XRRA1: variants seen among roughly 807,000 people sequenced by gnomAD.
The protein encoded by XRRA1 is X-ray radiation resistance associated 1.
A neutral mutation model predicts 80.2 loss-of-function variants in XRRA1; 69 were observed. The ratio of observed to expected loss-of-function variants is 0.86; its 90% CI spans 0.71 to 1.05. The LOEUF is 1.05. Among genes scored for constraint, XRRA1 ranks in the 50% least tolerant of loss-of-function variants. The pLI, the probability that XRRA1 is intolerant of heterozygous loss-of-function variation, is 0.00. For synonymous variants in XRRA1, 348 were observed against 389.9 expected (o/e 0.89, Z 1.27); for missense variants, 967 against 976.4 (o/e 0.99, Z 0.13).
intron 12 of XRRA1, among the ~76,000 whole-genome samples, chr11:74,856,558 A>T (rs891094767): frequency 6.6e-5 from 10 of 152,232 alleles, no homozygotes; most frequent in Non-Finnish European, 7.3e-5. Flanking sequence ...AGAATGTGGC[A>T]GATGCAAGTG....
intron 12 of XRRA1, among the ~76,000 whole-genome samples, chr11:74,858,608 C>T (rs1409774737): frequency 6.6e-6 from 1 of 152,080 alleles, no homozygotes; most frequent in Non-Finnish European, 1.5e-5. Flanking sequence ...TAAATCTGTC[C>T]CTTATCCTTT....
Position 74,878,839 on chromosome 11 carries a change from C to T in XRRA1, c.1004-15818G>A, listed in dbSNP as rs1033584097. ...TTGGTCTATATCTCTGTTTTGGTAC[C>T]AGTACCATGCTGTTTTGGTTACTGT... is the stretch of plus-strand genomic sequence containing the variant. On this transcript the variant is annotated intron_variant, in intron 10 of 18. Transcript: ENST00000684022. Among the ~76,000 whole-genome samples, 4 of 151,732 alleles carry T rather than the reference C, an allele frequency of 2.6e-5. No individual in the cohort carries two copies. The South Asian group carries it at 8.3e-4, about 32-fold the overall frequency.
intron 6 of XRRA1, 114 bp from the exon 7 acceptor site, chr11:74,927,602 TA>T: frequency 1.7e-6 from 1 of 603,908 alleles, no homozygotes; most frequent in Admixed American, 3.1e-5. Flanking sequence ...CTGTATAAGG[TA>T]CTTTACATAC....
At chr11:74,875,053 T>G (rs1293617116) in intron 10 of XRRA1, among the ~76,000 whole-genome samples, 1 of 152,242 alleles carries the variant, frequency 6.6e-6, no homozygotes, top group Non-Finnish European at 1.5e-5. Flanking sequence ...TATGCTTTCT[T>G]AGTTCTTTAT....
chr11:74,850,902 A>G (rs2039657933), intron 14 of XRRA1, 186 bp downstream of exon 14: 1 of 378,432 alleles, frequency 2.6e-6, no homozygotes, highest in South Asian at 3.9e-5. Context: ...AGTTTAAAAT[A>G]TATTTTCATA....
chr11:74,880,400 T>G (rs1345322911), intron 10 of XRRA1, among the ~76,000 whole-genome samples: 5 of 151,888 alleles, frequency 3.3e-5, no homozygotes, highest in Non-Finnish European at 7.4e-5. Flanking sequence ...TGTTGATCCT[T>G]TCAAAAAACC....
At chr11:74,869,776 T>C (rs1045260296) in intron 10 of XRRA1, among the ~76,000 whole-genome samples, 1 of 152,130 alleles carries the variant, frequency 6.6e-6, no homozygotes, top group Non-Finnish European at 1.5e-5. Flanking sequence ...AGATACTGCC[T>C]CCTCATCAGG....
chr11:74,939,843 TAGAG>T (rs34445753), intron 3 of XRRA1, among the ~76,000 whole-genome samples: 132 of 144,582 alleles, frequency 9.1e-4, no homozygotes, highest in African/African-American at 2.2e-3. Flanking sequence ...GAGAGTGACA[TAGAG>T]AGAGAGAGAG....
At chr11:74,937,518 T>C (rs1472675826) in intron 3 of XRRA1, among the ~76,000 whole-genome samples, 2 of 151,822 alleles carry the variant, frequency 1.3e-5, no homozygotes, top group African/African-American at 2.4e-5. Context: ...CTCAACTCAA[T>C]AGGTTCCATC....
intron 8 of XRRA1, chr11:74,918,773 C>A (rs1304486280): frequency 6.6e-6 from 1 of 152,246 alleles, no homozygotes; most frequent in African/African-American, 2.4e-5. Flanking sequence ...TCATGAGAGA[C>A]TGGAAGGCCA....
rs761489735 is a variant in XRRA1 at position 74,848,180 on chromosome 11, G to A, written c.1663C>T (p.Arg555Cys). 80 of 1,613,596 alleles carry A rather than the reference G, an allele frequency of 5.0e-5. No individual in the cohort carries two copies. Among genetic ancestry groups the A allele is most frequent in the Middle Eastern group, 1.6e-4 (1 of 6,084 alleles). Reference protein sequence around the residue: ...TLSHLSDTTVRLSPERPSDED... With the variant: ...TLSHLSDTTVCLSPERPSDED... ...TCTGATGGGCGCTCTGGGCTGAGGC[G>A]GACAGTTGTGTCACTCAGGTGGGAC... is the stretch of plus-strand genomic sequence containing the variant. Residue 555 changes from arginine to cysteine, a missense_variant, in exon 15 of 19, where the codon CGC (arginine) becomes TGC (cysteine). Arg to Cys is a radical substitution (Grantham distance 180, BLOSUM62 -3). Coordinates refer to ENST00000684022, the MANE Select transcript of XRRA1 (RefSeq NM_001378157.1).
chr11:74,927,301 C>G, intron 7 of XRRA1, 90 bp downstream of exon 7: 2 of 664,692 alleles, frequency 3.0e-6, no homozygotes. Flanking sequence ...CCAGCAAGCC[C>G]CTTCCCAACA....
chr11:74,935,514 G>A (rs1944736825), intron 4 of XRRA1, among the ~76,000 whole-genome samples: 1 of 152,222 alleles, frequency 6.6e-6, no homozygotes, highest in African/African-American at 2.4e-5. Flanking sequence ...CAGTCGAGAT[G>A]AGAAGACAGA....
intron 10 of XRRA1, among the ~76,000 whole-genome samples, chr11:74,889,283 A>C (rs963418129): frequency 6.6e-6 from 1 of 152,152 alleles, no homozygotes; most frequent in Admixed American, 6.6e-5. Context: ...TTCAACCCAG[A>C]ATTTCATATC....
intron 10 of XRRA1, among the ~76,000 whole-genome samples, chr11:74,900,992 C>T (rs776568592): frequency 1.2e-4 from 19 of 152,006 alleles, no homozygotes; most frequent in African/African-American, 3.6e-4. Flanking sequence ...GGATCCAAAC[C>T]GGAAGGGAGG....
intron 10 of XRRA1, among the ~76,000 whole-genome samples, chr11:74,886,289 A>G (rs981975887): frequency 5.6e-4 from 86 of 152,292 alleles, no homozygotes; most frequent in African/African-American, 2.0e-3. Flanking sequence ...TTTGCAAACA[A>G]TGTGATTCTA....
At chr11:74,844,872 G>T (rs1199935300) in intron 16 of XRRA1, among the ~76,000 whole-genome samples, 1 of 152,256 alleles carries the variant, frequency 6.6e-6, no homozygotes, top group Non-Finnish European at 1.5e-5. Context: ...GCCAGTGAAG[G>T]CCTAGGCCAG....
intron 1 of XRRA1, among the ~76,000 whole-genome samples, chr11:74,948,363 T>C (rs1343564668): frequency 1.3e-5 from 2 of 150,716 alleles, no homozygotes; most frequent in Admixed American, 1.3e-4. Flanking sequence ...TAATAGAGCA[T>C]GGTATAATAC....
rs1407979639 is a variant in XRRA1 at position 74,842,004 on chromosome 11, A to AT, written c.*1195_*1196insA. 6.7e-6 allele frequency: 1 copy of AT among 149,620 alleles called. No individual in the cohort carries two copies. The highest frequency in any genetic ancestry group is 2.6e-5 in the African/African-American group (1 of 39,134). 9.3% of individuals were successfully genotyped at this position (149,620 alleles called of 1,614,324 possible). ...GAAAAAAATTTAAATGCCAACGAAT[A>AT]GTTTTTTTTTTTTTGAACCTGATAC... On this transcript the variant is annotated 3_prime_UTR_variant, in exon 19 of 19. Transcript: ENST00000684022.
Sources: allele counts gnomAD v4.1 joint callset (sites outside exome capture counted in the v4.1 genomes callset), GRCh38; gene constraint gnomAD v4.1.1; transcripts MANE v1.5; gene names NCBI Gene and HGNC (gene_info 2026-07-23, HGNC 2026-07-21).